WDR41: variants seen among roughly 807,000 people sequenced by gnomAD.
WDR41 encodes the protein WD repeat domain 41, also known as WD repeat-containing protein 41.
Under a neutral mutation model 69.3 loss-of-function variants are expected in WDR41, and 63 were observed. The ratio of observed to expected loss-of-function variants is 0.91; its 90% CI spans 0.74 to 1.12. The LOEUF (loss-of-function observed/expected upper bound fraction) is 1.12. Among genes scored for constraint, WDR41 ranks in the 50% most tolerant of loss-of-function variants. The pLI is 0.00. For synonymous variants in WDR41, 185 were observed against 192.1 expected, an observed-to-expected ratio of 0.96 and a Z score of 0.31; for missense variants, 543 against 534.5, an observed-to-expected ratio of 1.02 and a Z score of -0.16.
chr5:77,472,544 C>T (rs1420361874), intron 2 of WDR41, among the ~76,000 whole-genome samples: 44 of 152,018 alleles, frequency 2.9e-4, no homozygotes, highest in African/African-American at 9.9e-4. Context: ...CAGCCCAAAA[C>T]CTCCTTAAGC....
intron 1 of WDR41, among the ~76,000 whole-genome samples, chr5:77,547,463 C>G (rs949879696): frequency 6.6e-6 from 1 of 151,686 alleles, no homozygotes; most frequent in East Asian, 1.9e-4. Flanking sequence ...AGTAGCTCTT[C>G]TATACACCAA....
rs569497549 is a variant in WDR41 at position 77,433,426 on chromosome 5, A to T, written c.1228-139T>A. The T allele has an allele frequency of 8.6e-6, 5 of 582,834 alleles. No homozygotes were observed. The East Asian group carries it at 1.6e-4, about 19-fold the overall frequency. The allele number at this position is 582,834 out of a possible 1,614,324, so 36.1% of individuals were successfully genotyped here. On this transcript the variant is annotated intron_variant, in intron 12 of 12. Coordinates refer to ENST00000296679, the MANE Select transcript of WDR41 (RefSeq NM_018268.4). ...GGTGTAGAACTTCATTTCATTTTTCAGTATTGGTAAGTCACATACAAATAA... is the reference window on the plus strand; with the variant it reads ...GGTGTAGAACTTCATTTCATTTTTCTGTATTGGTAAGTCACATACAAATAA...
rs75940054 is a variant in WDR41 at position 77,437,046 on chromosome 5, T to C, written c.1093+290A>G. ...GTATCAGTCAGAATTATAGACAATA[T>C]AAATGAATACTTCATTAGGCCATTT... On this transcript the variant is annotated intron_variant, in intron 11 of 12. Transcript: ENST00000296679. Among the ~76,000 whole-genome samples, 71 of 152,318 alleles carry C rather than the reference T, an allele frequency of 4.7e-4. No homozygotes were observed. In the East Asian group the frequency reaches 0.012, roughly 26 times the overall value.
chr5:77,503,680 C>T (rs952695886), intron 1 of WDR41, among the ~76,000 whole-genome samples: 1 of 152,196 alleles, frequency 6.6e-6, no homozygotes, highest in African/African-American at 2.4e-5. Context: ...AACTGTCTCT[C>T]AGACCACAGT....
upstream of WDR41, among the ~76,000 whole-genome samples, chr5:77,495,870 A>T (rs563321279): frequency 1.1e-3 from 166 of 152,228 alleles, no homozygotes; most frequent in Admixed American, 1.1e-3. Context: ...AATCTTTGAC[A>T]TAATATTATC....
intron 1 of WDR41, among the ~76,000 whole-genome samples, chr5:77,532,574 T>G (rs1349215665): frequency 6.6e-6 from 1 of 152,076 alleles, no homozygotes; most frequent in African/African-American, 2.4e-5. Context: ...GTAGAATGGA[T>G]AAGTAAACAG....
intron 1 of WDR41, among the ~76,000 whole-genome samples, chr5:77,550,601 T>A (rs1743278514): frequency 6.6e-6 from 1 of 152,172 alleles, no homozygotes; most frequent in Admixed American, 6.5e-5. Context: ...GGCAAGCCTG[T>A]GGAGAAAAGA....
chr5:77,558,494 C>T (rs1743457092), intron 1 of WDR41, among the ~76,000 whole-genome samples: 1 of 152,204 alleles, frequency 6.6e-6, no homozygotes, highest in African/African-American at 2.4e-5. Flanking sequence ...CCCCAGAGGA[C>T]TGGGCCCTAC....
At chr5:77,479,398 C>T (rs920393301) in intron 2 of WDR41, among the ~76,000 whole-genome samples, 47 of 152,242 alleles carry the variant, frequency 3.1e-4, no homozygotes, top group African/African-American at 1.0e-3. Context: ...AAGCTGGAGG[C>T]ATCACACTAC....
At chr5:77,497,430 G>A (rs1459247161) in intron 1 of WDR41, among the ~76,000 whole-genome samples, 2 of 152,032 alleles carry the variant, frequency 1.3e-5, no homozygotes, top group African/African-American at 4.8e-5. Context: ...TATTAAAACT[G>A]GGCAAAGGAC....
At position 77,436,400 on chromosome 5, in the gene WDR41, A is replaced by T; in HGVS notation, c.1094-6T>A. 6.2e-7 allele frequency: 1 copy of T among 1,613,558 alleles called. No individual in the cohort carries two copies. The highest frequency in any genetic ancestry group is 8.5e-7 in the Non-Finnish European group (1 of 1,179,736). Reference sequence around the variant, plus strand: ...TCCCCACATGTTAAAAAAACCTAGAAAAAGAATCATTTCCAAAATTACTGT... The same window carrying T: ...TCCCCACATGTTAAAAAAACCTAGATAAAGAATCATTTCCAAAATTACTGT... On this transcript the variant is annotated splice_region_variant and splice_polypyrimidine_tract_variant and intron_variant, in intron 11 of 12. Coordinates refer to ENST00000296679, the MANE Select transcript of WDR41 (RefSeq NM_018268.4).
intron 1 of WDR41, among the ~76,000 whole-genome samples, chr5:77,616,863 C>G (rs1744689159): frequency 6.6e-6 from 1 of 152,164 alleles, no homozygotes; most frequent in Non-Finnish European, 1.5e-5. Flanking sequence ...ATTCTATTCC[C>G]TTGGTAGTTA....
At chr5:77,552,975 G>A (rs535848384) in intron 1 of WDR41, among the ~76,000 whole-genome samples, 6 of 152,264 alleles carry the variant, frequency 3.9e-5, no homozygotes, top group East Asian at 1.9e-4. Context: ...AGGATCTGGC[G>A]CTAAGCCAGT....
intron 5 of WDR41, 79 bp downstream of exon 5, chr5:77,458,983 T>A: frequency 9.7e-7 from 1 of 1,036,228 alleles, no homozygotes; most frequent in Non-Finnish European, 1.4e-6. Flanking sequence ...ACAAAAGTAA[T>A]TTCGTCTAAC....
At chr5:77,474,291 G>C (rs1406409397) in intron 2 of WDR41, among the ~76,000 whole-genome samples, 1 of 152,012 alleles carries the variant, frequency 6.6e-6, no homozygotes, top group Admixed American at 6.6e-5. Context: ...GTTGTGGGGT[G>C]GGGGGAGTGG....
At chr5:77,568,382 T>C (rs548790341) in intron 1 of WDR41, among the ~76,000 whole-genome samples, 15 of 152,174 alleles carry the variant, frequency 9.9e-5, no homozygotes, top group Non-Finnish European at 2.1e-4. Flanking sequence ...GCTAAGTCCT[T>C]GGATCATCTG....
In WDR41 at chr5:77,432,960, C is replaced by G; in HGVS notation, c.*175G>C. The G allele has an allele frequency of 1.6e-6, 1 of 620,854 alleles. No homozygotes were observed. 38.5% of individuals were successfully genotyped at this position (620,854 alleles called of 1,614,324 possible). A position where few individuals can be genotyped will look rare whatever the true frequency, so the allele number is the denominator to read the frequency against. On this transcript the variant is annotated 3_prime_UTR_variant, in exon 13 of 13. Coordinates refer to ENST00000296679, the MANE Select transcript of WDR41 (RefSeq NM_018268.4). ...ATATTCTTTGGAGGATATACTAGGA[C>G]CTGAGAAGCAACATGTTCCTGGTTG...
At chr5:77,619,585 AT>A (rs1444743440) in intron 1 of WDR41, among the ~76,000 whole-genome samples, 1 of 151,994 alleles carries the variant, frequency 6.6e-6, no homozygotes, top group Non-Finnish European at 1.5e-5. Flanking sequence ...TGCAGTGGAG[AT>A]TGGGGGCCAG....
At chr5:77,616,368 T>C (rs1029182091) in intron 1 of WDR41, among the ~76,000 whole-genome samples, 1 of 152,226 alleles carries the variant, frequency 6.6e-6, no homozygotes, top group Non-Finnish European at 1.5e-5. Flanking sequence ...CATGCACATC[T>C]GCATACAGAA....
Sources: allele counts gnomAD v4.1 joint callset (sites outside exome capture counted in the v4.1 genomes callset), GRCh38; gene constraint gnomAD v4.1.1; transcripts MANE v1.5; gene names NCBI Gene and HGNC (gene_info 2026-07-23, HGNC 2026-07-21).